The following GTSE1 variants were observed in gnomAD, a reference collection of about 807,000 sequenced individuals.
GTSE1 encodes G2 and S-phase expressed 1, also known as G2 and S phase-expressed protein 1.
A neutral mutation model predicts 60.5 loss-of-function variants in GTSE1; 52 were observed. The ratio of observed to expected loss-of-function variants is 0.86; its 90% CI spans 0.69 to 1.08. The LOEUF is 1.08. GTSE1 is among the 50% of genes least tolerant of loss of function. The pLI, the probability that GTSE1 is intolerant of heterozygous loss-of-function variation, is 0.00. For missense variants in GTSE1, 937 were observed against 961.8 expected (o/e 0.97, Z 0.34); for synonymous variants, 368 against 386.5 (o/e 0.95, Z 0.56).
chr22:46,307,185 A>G (rs1449086205), intron 2 of GTSE1, among the ~76,000 whole-genome samples: 2 of 152,234 alleles, frequency 1.3e-5, no homozygotes, highest in Non-Finnish European at 2.9e-5. Flanking sequence ...TGGGGTACAG[A>G]GTAATTTCAT....
In GTSE1 at chr22:46,310,866, G is replaced by A. The variant is rs1569040241; in HGVS notation, c.763-1275G>A. ...AATCGCCTGAACCCAGGAGGTGGAGGTTGCAGTGAGCCAAGATGGCACCAC... is the reference window on the plus strand; with the variant it reads ...AATCGCCTGAACCCAGGAGGTGGAGATTGCAGTGAGCCAAGATGGCACCAC... On this transcript the variant is annotated intron_variant, in intron 4 of 11. Coordinates refer to ENST00000454366, the MANE Select transcript of GTSE1 (RefSeq NM_016426.7). This position sits in a 1 kb window ranked among gnomAD's most constrained non-coding sequence, Gnocchi z 4.4. Among the ~76,000 whole-genome samples the A allele has an allele frequency of 1.3e-5, 2 of 152,166 alleles. No homozygotes were observed. The highest frequency in any genetic ancestry group is 2.9e-5 in the Non-Finnish European group (2 of 68,028).
At position 46,329,058 on chromosome 22, in the gene GTSE1, C is replaced by A; in HGVS notation, c.1926+169C>A. The A allele has an allele frequency of 1.6e-6, 1 of 629,084 alleles. No individual in the cohort carries two copies. Among genetic ancestry groups the A allele is most frequent in the Non-Finnish European group, 2.8e-6 (1 of 357,632 alleles). 39.0% of individuals were successfully genotyped at this position (629,084 alleles called of 1,614,324 possible). A position where few individuals can be genotyped will look rare whatever the true frequency, so the allele number is the denominator to read the frequency against. On this transcript the variant is annotated intron_variant, in intron 10 of 11. Coordinates refer to ENST00000454366, the MANE Select transcript of GTSE1 (RefSeq NM_016426.7). This position sits in a 1 kb window ranked among gnomAD's most constrained non-coding sequence, Gnocchi z 6.4. ...AAGGGAGGCAGTCAGGACTTCCAGG[C>A]CTCCAGGGGAGAAAGCCCTGCATTT...
rs1016498613 is a variant in GTSE1 at position 46,324,750 on chromosome 22, C to T, written c.1505+1488C>T. On this transcript the variant is annotated intron_variant, in intron 8 of 11. Transcript: ENST00000454366. This position sits in a 1 kb window ranked among gnomAD's most constrained non-coding sequence, Gnocchi z 5.2. Reference sequence around the variant, plus strand: ...AGGAGGGTGGGGAATCCTAGAACTTCGCGGAGAGCAGCAGCTGGGGTTGAC... The same window carrying T: ...AGGAGGGTGGGGAATCCTAGAACTTTGCGGAGAGCAGCAGCTGGGGTTGAC... Among the ~76,000 whole-genome samples the T allele has an allele frequency of 4.6e-5, 7 of 152,164 alleles. No individual in the cohort carries two copies. The highest frequency in any genetic ancestry group is 1.9e-4 in the East Asian group (1 of 5,196).
chr22:46,320,560 G>A lies in GTSE1; in HGVS notation c.1433-2630G>A, dbSNP rs565644664. ...GCTGTCACCGTGGAGGAGAGGTGAG[G>A]GCTGAGGGCACTCACAGCGTGGGAC... is the stretch of plus-strand genomic sequence containing the variant. On this transcript the variant is annotated intron_variant, in intron 7 of 11. Coordinates refer to ENST00000454366, the MANE Select transcript of GTSE1 (RefSeq NM_016426.7). The surrounding 1 kb of genome is among the most constrained non-coding windows in gnomAD (Gnocchi z 7.1). 7.2e-5 allele frequency among the ~76,000 whole-genome samples: 11 copies of A among 152,368 alleles called. No homozygotes were observed. In the South Asian group the frequency reaches 2.3e-3, roughly 32 times the overall value.
chr22:46,309,081 A>G lies in GTSE1; in HGVS notation c.762+138A>G. ...AAAACACAGGAATGCGGAGTCCAGG[A>G]AAAGCAGTTGCCAATAGGGAGCTGA... On this transcript the variant is annotated intron_variant, in intron 4 of 11. Coordinates refer to ENST00000454366, the MANE Select transcript of GTSE1 (RefSeq NM_016426.7). This position sits in a 1 kb window ranked among gnomAD's most constrained non-coding sequence, Gnocchi z 6.2. 1 of 985,078 alleles carries G rather than the reference A, an allele frequency of 1.0e-6. No individual in the cohort carries two copies. Among genetic ancestry groups the G allele is most frequent in the Non-Finnish European group, 1.5e-6 (1 of 686,116 alleles). The allele number at this position is 985,078 out of a possible 1,614,324, so 61.0% of individuals were successfully genotyped here.
chr22:46,316,376 C>T lies in GTSE1; in HGVS notation c.1396C>T (p.Pro466Ser). 6.3e-7 allele frequency: 1 copy of T among 1,589,240 alleles called. No individual in the cohort carries two copies. The highest frequency in any genetic ancestry group is 8.6e-7 in the Non-Finnish European group (1 of 1,162,186). Residue 466 changes from proline to serine, a missense_variant, in exon 7 of 12, where the codon CCT becomes TCT. Physicochemically the swap from Pro to Ser is moderately conservative, Grantham distance 74 (BLOSUM62 -1). Coordinates refer to ENST00000454366, the MANE Select transcript of GTSE1 (RefSeq NM_016426.7). The surrounding 1 kb of genome is among the most constrained non-coding windows in gnomAD (Gnocchi z 5.0). ...LNSKTKVMPT[P>S]TNQFKIPKFS... ...TTCCAAGACAAAGGTTATGCCTACT[C>T]CTACAAATCAATTTAAAATTCCTAA...
At position 46,320,801 on chromosome 22, in the gene GTSE1, G is replaced by C. The variant is rs1235700118; in HGVS notation, c.1433-2389G>C. ...GCTGCAGTGGAGACGCGCCGTCCAG[G>C]TTTAGGGAAGAGCTGATGTGGGCCT... On this transcript the variant is annotated intron_variant, in intron 7 of 11. Transcript: ENST00000454366. The surrounding 1 kb of genome is among the most constrained non-coding windows in gnomAD (Gnocchi z 7.1). 6.6e-6 allele frequency among the ~76,000 whole-genome samples: 1 copy of C among 152,150 alleles called. No individual in the cohort carries two copies.
At chr22:46,327,145 T>C (rs1448734584) in intron 9 of GTSE1, 1 of 152,232 alleles carries the variant, frequency 6.6e-6, no homozygotes, top group East Asian at 1.9e-4. Flanking sequence ...GAGGCTGCAG[T>C]GAGCTGAGAT....
chr22:46,325,702 G>T (rs1425833623), intron 8 of GTSE1, among the ~76,000 whole-genome samples: 1 of 152,214 alleles, frequency 6.6e-6, no homozygotes, highest in East Asian at 1.9e-4. Context: ...TTGGCTCCAT[G>T]ACCTGATCTC....
chr22:46,329,901 G>T lies in GTSE1; in HGVS notation c.2137-146G>T. The T allele has an allele frequency of 4.7e-6, 3 of 640,334 alleles. No individual in the cohort carries two copies. Among genetic ancestry groups the T allele is most frequent in the South Asian group, 3.6e-5 (2 of 55,384 alleles). The allele number at this position is 640,334 out of a possible 1,614,324, so 39.7% of individuals were successfully genotyped here. On this transcript the variant is annotated intron_variant, in intron 11 of 11. Transcript: ENST00000454366. This position sits in a 1 kb window ranked among gnomAD's most constrained non-coding sequence, Gnocchi z 6.4. ...CCTGTCTCCTTCCAGCTTCTTAGAC[G>T]TGGTGGCCCAGAGTGCTTTTCAGTG...
rs144765299 is a variant in GTSE1, at chr22:46,299,129, A to G, written c.79+1650A>G. ...TTTCAGTAACATTCGTCCTTCTGGAAACTTCCCTTGCTTGGAGTCCAAGAC... is the reference window on the plus strand; with the variant it reads ...TTTCAGTAACATTCGTCCTTCTGGAGACTTCCCTTGCTTGGAGTCCAAGAC... On this transcript the variant is annotated intron_variant, in intron 2 of 11. Transcript: ENST00000454366. 2.2e-4 allele frequency among the ~76,000 whole-genome samples: 33 copies of G among 152,328 alleles called. 1 individual carries two copies. The East Asian group carries it at 6.2e-3, about 28-fold the overall frequency.
intron 5 of GTSE1, among the ~76,000 whole-genome samples, chr22:46,312,725 C>T (rs974596219): frequency 1.3e-5 from 2 of 151,970 alleles, no homozygotes; most frequent in East Asian, 1.9e-4. Flanking sequence ...ATACTGGCTT[C>T]GCAGTGTGCA....
In GTSE1 at chr22:46,324,110, C is replaced by T. The variant is rs948982323; in HGVS notation, c.1505+848C>T. 6.6e-6 allele frequency among the ~76,000 whole-genome samples: 1 copy of T among 152,162 alleles called. No homozygotes were observed. Among genetic ancestry groups the T allele is most frequent in the Non-Finnish European group, 1.5e-5 (1 of 68,028 alleles). ...GGGATGGCCCAAGCTCAGCTGGGGC[C>T]ACTTGCAAGTCTTTTGGTGACTCTG... On this transcript the variant is annotated intron_variant, in intron 8 of 11. Transcript: ENST00000454366. This position sits in a 1 kb window ranked among gnomAD's most constrained non-coding sequence, Gnocchi z 5.2.
intron 4 of GTSE1, among the ~76,000 whole-genome samples, chr22:46,311,663 T>A (rs1370573046): frequency 5.3e-5 from 8 of 152,212 alleles, no homozygotes; most frequent in Non-Finnish European, 1.0e-4. Context: ...TCCCTAAATA[T>A]GTCAAGAACT....
At position 46,310,494 on chromosome 22, in the gene GTSE1, C is replaced by G. The variant is rs2077742116; in HGVS notation, c.762+1551C>G. Among the ~76,000 whole-genome samples the G allele has an allele frequency of 6.6e-6, 1 of 152,138 alleles. No homozygotes were observed. ...AGACCTGAGAGAATTGAAACCATAT[C>G]CACAGAAAAATCCACATGCAGATGT... On this transcript the variant is annotated intron_variant, in intron 4 of 11. Transcript: ENST00000454366. The surrounding 1 kb of genome is among the most constrained non-coding windows in gnomAD (Gnocchi z 4.4).
At chr22:46,327,341 C>T (rs897384626) in intron 9 of GTSE1, 12 of 152,142 alleles carry the variant, frequency 7.9e-5, no homozygotes, top group African/African-American at 2.9e-4. Flanking sequence ...ACACCTCAGT[C>T]GTGTATAACC....
chr22:46,305,731 A>G (rs2077711912), intron 2 of GTSE1, among the ~76,000 whole-genome samples: 1 of 151,426 alleles, frequency 6.6e-6, no homozygotes, highest in Non-Finnish European at 1.5e-5. Context: ...ACATGGTGAA[A>G]CCGCATCTCT....
Position 46,312,305 on chromosome 22 carries a change from G to C in GTSE1, c.927G>C (p.Lys309Asn), listed in dbSNP as rs1351501293. ...QGKRAIPVPN[K>N]LGLKKTLLKA... ...AGCGGGCGATCCCTGTTCCAAACAAGGTGAGTTGGCTGCTGGGGCCCAAAC... is the reference window on the plus strand; with the variant it reads ...AGCGGGCGATCCCTGTTCCAAACAACGTGAGTTGGCTGCTGGGGCCCAAAC... Residue 309 changes from lysine (K) to asparagine (N), a missense_variant and splice_region_variant, in exon 5 of 12, where the codon AAG becomes AAC. Lys to Asn is a moderately conservative substitution (Grantham distance 94). Coordinates refer to ENST00000454366, the MANE Select transcript of GTSE1 (RefSeq NM_016426.7). 2 of 1,608,126 alleles carry C rather than the reference G, an allele frequency of 1.2e-6. No homozygotes were observed. The highest frequency in any genetic ancestry group is 3.4e-5 in the Admixed American group (2 of 58,894).
At position 46,317,773 on chromosome 22, in the gene GTSE1, G is replaced by A. The variant is rs911197410; in HGVS notation, c.1432+1361G>A. On this transcript the variant is annotated intron_variant, in intron 7 of 11. Transcript: ENST00000454366. The surrounding 1 kb of genome is among the most constrained non-coding windows in gnomAD (Gnocchi z 5.6). ...TTCCCAAGGCCTCTGCTGCACACCC[G>A]TGTGTCCCGCAAGGCCCGCGAGACC... Among the ~76,000 whole-genome samples, 7 of 152,166 alleles carry A rather than the reference G, an allele frequency of 4.6e-5. No homozygotes were observed. The East Asian group carries it at 9.6e-4, about 21-fold the overall frequency.
Sources: gnomAD v4.1 joint callset for allele counts (sites outside exome capture counted in the v4.1 genomes callset) on GRCh38, gnomAD v4.1.1 for gene constraint, Gnocchi (gnomAD v3.1) non-coding constraint, MANE v1.5 for transcripts, NCBI Gene and HGNC (gene_info 2026-07-23, HGNC 2026-07-21) for gene names.